The following PEX14 variants were observed in gnomAD, a reference collection of about 807,000 sequenced individuals.
PEX14 encodes peroxisomal biogenesis factor 14.
In PEX14, 15 loss-of-function variants were observed where a neutral mutation model predicts 49.5. The observed-to-expected ratio is 0.30, with a 90% CI of 0.20 to 0.47. The LOEUF (loss-of-function observed/expected upper bound fraction) is 0.47, where lower values mean the gene tolerates loss of function less well. Ranked by LOEUF, PEX14 falls within the 20% of genes least tolerant of loss-of-function variation. The pLI is 1.00. For synonymous variants in PEX14, 210 were observed against 212.7 expected (o/e 0.99, Z 0.11); for missense variants, 398 against 494.8 (o/e 0.80, Z 1.86).
chr1:10,579,613 C>T (rs945864397), intron 3 of PEX14, among the ~76,000 whole-genome samples: 7 of 152,072 alleles, frequency 4.6e-5, no homozygotes, highest in Admixed American at 3.9e-4. Context: ...TGCTGGTTGC[C>T]CATTTTTATG....
intron 2 of PEX14, among the ~76,000 whole-genome samples, chr1:10,498,582 G>A (rs747895973): frequency 6.6e-6 from 1 of 152,158 alleles, no homozygotes; most frequent in Non-Finnish European, 1.5e-5. Flanking sequence ...AAAGTAGTGA[G>A]GCTGCGTGTT....
At position 10,495,096 on chromosome 1, in the gene PEX14, T is replaced by C; in HGVS notation, c.37-178T>C. 1 of 984,892 alleles carries C rather than the reference T, an allele frequency of 1.0e-6. No homozygotes were observed. Among genetic ancestry groups the C allele is most frequent in the South Asian group, 4.7e-5 (1 of 21,278 alleles). The allele number at this position is 984,892 out of a possible 1,614,324, so 61.0% of individuals were successfully genotyped here. A position where few individuals can be genotyped will look rare whatever the true frequency, so the allele number is the denominator to read the frequency against. On this transcript the variant is annotated intron_variant, in intron 1 of 8. Transcript: ENST00000356607. This position sits in a 1 kb window ranked among gnomAD's most constrained non-coding sequence, Gnocchi z 4.2. ...TTCATCTTCCCTGGTGAATTCAGAC[T>C]CTTTGGGCTACTTTTTACAGGTAGT...
rs544956227 is a variant in PEX14, at chr1:10,475,236, G to C, written c.36+234G>C. On this transcript the variant is annotated intron_variant, in intron 1 of 8. Coordinates refer to ENST00000356607, the MANE Select transcript of PEX14 (RefSeq NM_004565.3). ...GGCTCTGGTGTTTGGCTGTGCCCCC[G>C]GGTCCCCACTTCCCGCCTGCCAGCA... Among the ~76,000 whole-genome samples, 29 of 137,266 alleles carry C rather than the reference G, an allele frequency of 2.1e-4. No homozygotes were observed. The South Asian group carries it at 7.1e-3, about 33-fold the overall frequency. 90.1% of individuals were successfully genotyped at this position (137,266 alleles called of 152,430 possible). A position where few individuals can be genotyped will look rare whatever the true frequency, so the allele number is the denominator to read the frequency against.
rs187961691 is a variant in PEX14 at position 10,577,762 on chromosome 1, G to A, written c.170-21476G>A. Among the ~76,000 whole-genome samples the A allele has an allele frequency of 1.6e-4, 22 of 141,588 alleles. No individual in the cohort carries two copies. The East Asian group carries it at 4.1e-3, about 27-fold the overall frequency. 92.9% of individuals were successfully genotyped at this position (141,588 alleles called of 152,430 possible). On this transcript the variant is annotated intron_variant, in intron 3 of 8. Coordinates refer to ENST00000356607, the MANE Select transcript of PEX14 (RefSeq NM_004565.3). ...ACTACAGGTACCTGCCACCATGCCC[G>A]GCTAATTTTTTGTATTTTTTTTAGT...
Position 10,623,166 on chromosome 1 carries a change from C to A in PEX14, c.487+45C>A. On this transcript the variant is annotated intron_variant, in intron 6 of 8. Transcript: ENST00000356607. The surrounding 1 kb of genome is among the most constrained non-coding windows in gnomAD (Gnocchi z 4.4). ...TCAAGTCACCCCTCACAGCCTTCTCCAAGCAGCCCCTTCTCTGCCCCTCCC... is the reference window on the plus strand; with the variant it reads ...TCAAGTCACCCCTCACAGCCTTCTCAAAGCAGCCCCTTCTCTGCCCCTCCC... The A allele has an allele frequency of 1.5e-6, 2 of 1,294,528 alleles. No individual in the cohort carries two copies. Among genetic ancestry groups the A allele is most frequent in the Non-Finnish European group, 2.2e-6 (2 of 897,140 alleles). The allele number at this position is 1,294,528 out of a possible 1,614,324, so 80.2% of individuals were successfully genotyped here. A position where few individuals can be genotyped will look rare whatever the true frequency, so the allele number is the denominator to read the frequency against.
intron 3 of PEX14, among the ~76,000 whole-genome samples, chr1:10,583,141 T>C (rs1640373462): frequency 6.6e-6 from 1 of 152,060 alleles, no homozygotes; most frequent in Admixed American, 6.6e-5. Context: ...TTTTTCTCCG[T>C]ACCCCTCCGG....
chr1:10,611,902 T>TATGC (rs1390114067), intron 4 of PEX14, among the ~76,000 whole-genome samples: 3 of 152,252 alleles, frequency 2.0e-5, no homozygotes, highest in African/African-American at 7.2e-5. Flanking sequence ...TTGTCAGATA[T>TATGC]ATGCTTGGCA....
At chr1:10,563,749 A>G (rs1639721915) in intron 3 of PEX14, among the ~76,000 whole-genome samples, 1 of 151,998 alleles carries the variant, frequency 6.6e-6, no homozygotes, top group Admixed American at 6.5e-5. Context: ...CGTCTCTACT[A>G]AAAATGCAAA....
intron 4 of PEX14, among the ~76,000 whole-genome samples, chr1:10,612,086 A>C (rs1343721200): frequency 6.6e-6 from 1 of 152,056 alleles, no homozygotes; most frequent in Non-Finnish European, 1.5e-5. Context: ...ATTTTCTTCT[A>C]TGTTTTCTGA....
chr1:10,590,190 A>G (rs771979219), intron 3 of PEX14, among the ~76,000 whole-genome samples: 7 of 152,130 alleles, frequency 4.6e-5, no homozygotes, highest in Admixed American at 6.6e-5. Flanking sequence ...AGGTGCCACA[A>G]AACCGTGAGC....
intron 3 of PEX14, among the ~76,000 whole-genome samples, chr1:10,544,184 G>A (rs368766829): frequency 2.0e-5 from 3 of 151,990 alleles, no homozygotes; most frequent in African/African-American, 2.4e-5. Context: ...TGATTTTTTC[G>A]CTGTGACCCT....
At chr1:10,550,104 A>G (rs1054190286) in intron 3 of PEX14, among the ~76,000 whole-genome samples, 6 of 152,210 alleles carry the variant, frequency 3.9e-5, no homozygotes, top group African/African-American at 1.4e-4. Context: ...AATATGAACA[A>G]ACAAGCAAAA....
intron 1 of PEX14, among the ~76,000 whole-genome samples, chr1:10,491,014 A>G (rs1412518150): frequency 7.2e-6 from 1 of 139,422 alleles, no homozygotes; most frequent in African/African-American, 2.7e-5. Flanking sequence ...TTTTTTTTTT[A>G]ATCATGGACT....
chr1:10,476,745 C>G (rs1641202678), intron 1 of PEX14, among the ~76,000 whole-genome samples: 1 of 152,158 alleles, frequency 6.6e-6, no homozygotes, highest in African/African-American at 2.4e-5. Context: ...CCCGCCTCAG[C>G]CTCCCAAAGT....
chr1:10,621,391 G>A (rs568740263), intron 5 of PEX14, among the ~76,000 whole-genome samples: 20 of 149,372 alleles, frequency 1.3e-4, no homozygotes, highest in African/African-American at 4.0e-4. Flanking sequence ...CTGTTACCCG[G>A]GCTGGAGTGC....
chr1:10,480,415 A>G (rs1482833317), intron 1 of PEX14, among the ~76,000 whole-genome samples: 3 of 105,036 alleles, frequency 2.9e-5, no homozygotes, highest in Admixed American at 2.5e-4. Flanking sequence ...TTTTTTTGAG[A>G]CGGAGTCTTG....
chr1:10,531,999 G>C (rs1219416797), intron 2 of PEX14, among the ~76,000 whole-genome samples: 1 of 152,018 alleles, frequency 6.6e-6, no homozygotes, highest in Admixed American at 6.6e-5. Context: ...TTCTCACTGG[G>C]GATTACTTAC....
intron 3 of PEX14, among the ~76,000 whole-genome samples, chr1:10,547,521 C>A (rs979653289): frequency 6.6e-6 from 1 of 152,140 alleles, no homozygotes; most frequent in South Asian, 2.1e-4. Context: ...GAAACCTCGG[C>A]TAGTACCGAA....
rs545231765 is a variant in PEX14, at chr1:10,610,374, C to T, written c.299-7958C>T. The stretch of plus-strand genomic sequence containing the variant: ...AACTTTACATATATATATATATATA[C>T]ACACACACACACACACACACACACA... On this transcript the variant is annotated intron_variant, in intron 4 of 8. Transcript: ENST00000356607. Among the ~76,000 whole-genome samples, 79 of 47,428 alleles carry T rather than the reference C, an allele frequency of 1.7e-3. 1 individual carries two copies. The East Asian group carries it at 0.023, about 14-fold the overall frequency. The allele number at this position is 47,428 out of a possible 152,430, so 31.1% of individuals were successfully genotyped here. A position where few individuals can be genotyped will look rare whatever the true frequency, so the allele number is the denominator to read the frequency against.
Sources: allele counts gnomAD v4.1 joint callset (sites outside exome capture counted in the v4.1 genomes callset), GRCh38; gene constraint gnomAD v4.1.1; non-coding constraint Gnocchi (gnomAD v3.1); transcripts MANE v1.5; gene names NCBI Gene and HGNC (gene_info 2026-07-23, HGNC 2026-07-21).